The following ATOSA variants were observed in gnomAD, a reference collection of about 807,000 sequenced individuals.
The protein encoded by ATOSA is atos homolog A, also known as atos homolog protein A.
At chr15:52,629,288 G>C in the ATOSA span, among the ~76,000 whole-genome samples, 136,632 of 152,114 alleles carry the variant, frequency 0.9, 61,421 homozygotes, top group East Asian at 1. Context: ...TGGCCTCCTC[G>C]ATTATGAACA....
chr15:52,609,235 A>G, the ATOSA span: 1 of 1,612,658 alleles, frequency 6.2e-7, no homozygotes, highest in East Asian at 2.2e-5. Context: ...TTTATTAGGT[A>G]CTAAGTTTTT....
At chr15:52,602,361 C>T in the ATOSA span, among the ~76,000 whole-genome samples, 1 of 152,214 alleles carries the variant, frequency 6.6e-6, no homozygotes, top group Non-Finnish European at 1.5e-5. Context: ...TTTTAACTCT[C>T]AAATTGCTCT....
the ATOSA span, among the ~76,000 whole-genome samples, chr15:52,617,161 T>C: frequency 2.6e-5 from 4 of 152,288 alleles, no homozygotes; most frequent in East Asian, 1.9e-4. Flanking sequence ...GAGGTAATTA[T>C]AGTTAAATGA....
At chr15:52,699,814 C>T in the ATOSA span, among the ~76,000 whole-genome samples, 4 of 152,212 alleles carry the variant, frequency 2.6e-5, no homozygotes, top group South Asian at 2.1e-4. Flanking sequence ...CTGTAGCATT[C>T]GGATTTAGTG....
chr15:52,598,006 C>G, the ATOSA span, among the ~76,000 whole-genome samples: 4 of 152,072 alleles, frequency 2.6e-5, no homozygotes, highest in African/African-American at 9.7e-5. Context: ...CTCCTGTAAT[C>G]CCAGTTACTT....
chr15:52,634,111 T>TA, the ATOSA span, among the ~76,000 whole-genome samples: 2 of 151,530 alleles, frequency 1.3e-5, no homozygotes, highest in African/African-American at 2.4e-5. Context: ...AAATAGAATT[T>TA]AAAAAAAATC....
the ATOSA span, among the ~76,000 whole-genome samples, chr15:52,591,792 G>A: frequency 6.6e-6 from 1 of 152,098 alleles, no homozygotes; most frequent in Admixed American, 6.5e-5. Flanking sequence ...CTGGAAAAGT[G>A]GGTACATCTT....
the ATOSA span, among the ~76,000 whole-genome samples, chr15:52,643,086 A>T: frequency 7.2e-5 from 11 of 152,098 alleles, no homozygotes; most frequent in African/African-American, 2.7e-4. Context: ...ATTCCACTAA[A>T]TCACTAGAAT....
At chr15:52,687,953 T>C in the ATOSA span, among the ~76,000 whole-genome samples, 1 of 152,206 alleles carries the variant, frequency 6.6e-6, no homozygotes, top group Non-Finnish European at 1.5e-5. Context: ...TTTCCTCTGT[T>C]GTTGTCTCTG....
chr15:52,695,519 A>G, the ATOSA span, among the ~76,000 whole-genome samples: 1 of 152,180 alleles, frequency 6.6e-6, no homozygotes, highest in Non-Finnish European at 1.5e-5. Flanking sequence ...ATTCATTCTT[A>G]CAATATCTAT....
At chr15:52,608,356 CT>C in the ATOSA span, among the ~76,000 whole-genome samples, 1 of 152,130 alleles carries the variant, frequency 6.6e-6, no homozygotes, top group East Asian at 1.9e-4. Context: ...ACAGCATGAT[CT>C]TTATTTCCTC....
the ATOSA span, among the ~76,000 whole-genome samples, chr15:52,658,992 A>G: frequency 2.0e-5 from 3 of 151,878 alleles, no homozygotes; most frequent in East Asian, 1.9e-4. Context: ...CTCAAAAAAC[A>G]AAAAAAGAAA....
At chr15:52,658,841 C>T in the ATOSA span, 26 of 343,312 alleles carry the variant, frequency 7.6e-5, 1 homozygote, top group South Asian at 8.9e-4. Flanking sequence ...TAAAAATCAG[C>T]TGGGCATGGT....
the ATOSA span, among the ~76,000 whole-genome samples, chr15:52,698,408 C>T: frequency 5.9e-5 from 9 of 152,150 alleles, no homozygotes; most frequent in African/African-American, 2.2e-4. Context: ...ATTCTTTATA[C>T]TTAAAAGAAA....
chr15:52,635,859 G>A, the ATOSA span, among the ~76,000 whole-genome samples: 25 of 150,734 alleles, frequency 1.7e-4, no homozygotes, highest in East Asian at 2.4e-3. Context: ...AGCTGGGTGC[G>A]GTGGCAGGCG....
chr15:52,699,846 C>T, the ATOSA span, among the ~76,000 whole-genome samples: 4 of 152,108 alleles, frequency 2.6e-5, no homozygotes, highest in African/African-American at 7.2e-5. Context: ...CTGAAGGATA[C>T]TAGTGGCATC....
At chr15:52,611,655 C>A in the ATOSA span, 1 of 1,613,984 alleles carries the variant, frequency 6.2e-7, no homozygotes, top group African/African-American at 1.3e-5. Flanking sequence ...GATCAATTCC[C>A]TCTGTGGTGG....
the ATOSA span, chr15:52,613,635 A>G: frequency 1.9e-6 from 3 of 1,582,194 alleles, no homozygotes; most frequent in South Asian, 2.3e-5. Context: ...AAACTAGTTT[A>G]TATAAAAGAT....
the ATOSA span, among the ~76,000 whole-genome samples, chr15:52,599,474 T>C: frequency 6.6e-6 from 1 of 152,304 alleles, no homozygotes; most frequent in South Asian, 2.1e-4. Context: ...TGTAAAACTA[T>C]TTATCTTAAA....
Sources: allele counts gnomAD v4.1 joint callset (sites outside exome capture counted in the v4.1 genomes callset), GRCh38; gene constraint gnomAD v4.1.1; transcripts MANE v1.5; gene names NCBI Gene and HGNC (gene_info 2026-07-23, HGNC 2026-07-21).